Variants in TAS2R14 observed in about 807,000 individuals in gnomAD.
The protein encoded by TAS2R14 is taste 2 receptor member 14.
For missense variants in TAS2R14, 383 were observed against 372.0 expected (o/e 1.03, Z -0.24); for synonymous variants, 131 against 131.0 (o/e 1.00, Z 0.00).
At chr12:10,938,594 A>T (rs748057911) in exon 1 of TAS2R14, 2 of 1,613,828 alleles carry the variant, frequency 1.2e-6, no homozygotes, top group African/African-American at 2.7e-5. Context: ...ATGTTTCCAC[A>T]TGGAGAAGAT....
In TAS2R14 at chr12:10,939,071, C is replaced by T. The variant is rs376994578; in HGVS notation, c.137G>A (p.Arg46Gln). 8.0e-5 allele frequency: 129 copies of T among 1,613,748 alleles called. No individual in the cohort carries two copies. In the Admixed American group the frequency reaches 2.0e-3, roughly 25 times the overall value. ...AGAGATTGCCAAAGCAGTGAGGATC[C>T]GATCAACCGAAGAGATCTTTCTTCC... is the stretch of plus-strand genomic sequence containing the variant. The change falls in exon 1 of 1, where the codon CGG (arginine) becomes CAG (glutamine). Residue 46 changes from arginine (R) to glutamine (Q), a missense_variant. By Grantham distance (43) the Arg-to-Gln change is conservative (BLOSUM62 1). Coordinates refer to ENST00000537503, the Ensembl canonical transcript of TAS2R14.
At chr12:10,938,919 C>A (rs759156020) in exon 1 of TAS2R14, 1 of 1,613,950 alleles carries the variant, frequency 6.2e-7, no homozygotes, top group South Asian at 1.1e-5. Flanking sequence ...GCTAACCAGA[C>A]ACTAAAATGA....
In TAS2R14 at chr12:10,938,583, G is replaced by C. The variant is rs779911373; in HGVS notation, c.625C>G (p.Arg209Gly). ...TTGACAGTGTGCTGCATCTTCTTGC[G>C]ATGTTTCCACATGGAGAAGATGAGG... is the stretch of plus-strand genomic sequence containing the variant. Residue 209 changes from arginine to glycine, a missense_variant, in exon 1 of 1, where the codon CGC (arginine) becomes GGC (glycine). Physicochemically the swap from Arg to Gly is moderately radical, Grantham distance 125 (BLOSUM62 -2). Transcript: ENST00000537503. 5.0e-6 allele frequency: 8 copies of C among 1,613,800 alleles called. No individual in the cohort carries two copies. In the African/African-American group the frequency reaches 1.1e-4, roughly 22 times the overall value.
exon 1 of TAS2R14, chr12:10,938,885 A>G (rs749499243): frequency 6.2e-7 from 1 of 1,613,872 alleles, no homozygotes; most frequent in Admixed American, 1.7e-5. Context: ...TATCTTGAGA[A>G]AATAAAAAGT....
chr12:10,938,964 AC>A, intron 4 of TAS2R14: 1 of 1,613,646 alleles, frequency 6.2e-7, no homozygotes, highest in Non-Finnish European at 8.5e-7. Context: ...AGCATTCTGA[AC>A]ATTTTTTCAG....
exon 1 of TAS2R14, chr12:10,938,030 A>G: frequency 2.4e-6 from 1 of 409,068 alleles, no homozygotes. Flanking sequence ...TACAAAATCT[A>G]TATTATCTGT....
At position 10,938,599 on chromosome 12, in the gene TAS2R14, G is replaced by A. The variant is rs117092928; in HGVS notation, c.609C>T (p.Phe203=). The A allele has an allele frequency of 3.5e-3, 5,701 of 1,613,948 alleles. 16 individuals carry two copies. The highest frequency in any genetic ancestry group is 4.5e-3 in the Non-Finnish European group (5,291 of 1,179,918). The change falls in exon 1 of 1, where the codon TTC becomes TTT. Residue 203 remains phenylalanine, a synonymous_variant. Transcript: ENST00000537503. ...TCTTCTTGCGATGTTTCCACATGGA[G>A]AAGATGAGGAGAAGAAACATTGCCA...
chr12:10,937,825 ATAT>A (rs1950314412), exon 1 of TAS2R14: 1 of 153,534 alleles, frequency 6.5e-6, no homozygotes, highest in African/African-American at 2.4e-5. Flanking sequence ...CAGGTACTAA[ATAT>A]TATACAAAAA....
exon 1 of TAS2R14, chr12:10,938,292 C>T (rs1950323722): frequency 6.2e-7 from 1 of 1,610,766 alleles, no homozygotes; most frequent in South Asian, 1.1e-5. Flanking sequence ...CCTGAGGGCT[C>T]CCCATCTTTG....
exon 1 of TAS2R14, chr12:10,937,755 A>G (rs967512315): frequency 3.9e-5 from 6 of 152,350 alleles, no homozygotes; most frequent in African/African-American, 1.4e-4. Context: ...GTAGTTTAGT[A>G]AGGCAGCTGG....
At chr12:10,938,386 T>C in exon 1 of TAS2R14, 1 of 1,613,992 alleles carries the variant, frequency 6.2e-7, no homozygotes, top group Non-Finnish European at 8.5e-7. Context: ...ATGAGTGACA[T>C]GAAGGATAAG....
At chr12:10,938,382 G>T in exon 1 of TAS2R14, 2 of 1,614,012 alleles carry the variant, frequency 1.2e-6, no homozygotes, top group Non-Finnish European at 1.7e-6. Context: ...ACACATGAGT[G>T]ACATGAAGGA....
chr12:10,938,193 G>C (rs1487476211), exon 1 of TAS2R14: 1 of 1,125,442 alleles, frequency 8.9e-7, no homozygotes. Context: ...AGAATCTTAA[G>C]GAAGTATAAA....
At chr12:10,938,877 T>A (rs781144114) in exon 1 of TAS2R14, 1 of 1,613,862 alleles carries the variant, frequency 6.2e-7, no homozygotes, top group East Asian at 2.2e-5. Context: ...AAATTGGCTA[T>A]CTTGAGAAAA....
Position 10,938,765 on chromosome 12 carries a change from A to C in TAS2R14, c.443T>G (p.Ile148Arg), listed in dbSNP as rs760162445. The C allele has an allele frequency of 6.2e-7, 1 of 1,613,844 alleles. No homozygotes were observed. The highest frequency in any genetic ancestry group is 1.7e-5 in the Admixed American group (1 of 59,960). ...GATACTGGCATTTATATGGATGTTTATCAGTGCAATATTTAAAAACAAGAA... is the reference window on the plus strand; with the variant it reads ...GATACTGGCATTTATATGGATGTTTCTCAGTGCAATATTTAAAAACAAGAA... The change falls in exon 1 of 1, where the codon ATA (isoleucine) becomes AGA (arginine). Residue 148 changes from isoleucine to arginine, a missense_variant. Coordinates refer to ENST00000537503, the Ensembl canonical transcript of TAS2R14.
exon 1 of TAS2R14, chr12:10,938,920 A>G: frequency 6.2e-7 from 1 of 1,614,008 alleles, no homozygotes; most frequent in African/African-American, 1.3e-5. Context: ...CTAACCAGAC[A>G]CTAAAATGAT....
exon 1 of TAS2R14, chr12:10,938,274 C>G: frequency 6.3e-7 from 1 of 1,593,418 alleles, no homozygotes; most frequent in Non-Finnish European, 8.5e-7. Context: ...TCTCTAAATT[C>G]TTTGTGACCT....
At chr12:10,937,991 T>TA (rs1234265265) in exon 1 of TAS2R14, 1 of 334,124 alleles carries the variant, frequency 3.0e-6, no homozygotes, top group Non-Finnish European at 5.4e-6. Context: ...TTTTCTCATT[T>TA]AAAAATCTCA....
exon 1 of TAS2R14, chr12:10,939,250 G>A: frequency 8.5e-7 from 1 of 1,176,978 alleles, no homozygotes; most frequent in Non-Finnish European, 1.2e-6. Flanking sequence ...CACTGCTGAA[G>A]ACTTCTTAAT....
Sources: gnomAD v4.1 joint callset for allele counts on GRCh38, gnomAD v4.1.1 for gene constraint, MANE v1.5 for transcripts, NCBI Gene and HGNC (gene_info 2026-07-23, HGNC 2026-07-21) for gene names.